TMEM161B: variants seen among roughly 807,000 people sequenced by gnomAD.
The protein encoded by TMEM161B is transmembrane protein 161B.
Under a neutral mutation model 61.8 loss-of-function variants are expected in TMEM161B, and 34 were observed. The observed-to-expected ratio is 0.55, with a 90% CI of 0.42 to 0.73. TMEM161B has a LOEUF of 0.73. Ranked by LOEUF, TMEM161B falls within the 30% of genes least tolerant of loss-of-function variation. The pLI is 0.00. For synonymous variants in TMEM161B, 167 were observed against 192.8 expected (o/e 0.87, Z 1.11); for missense variants, 456 against 558.5 (o/e 0.82, Z 1.85).
chr5:88,255,008 C>G (rs1393487574), intron 1 of TMEM161B, among the ~76,000 whole-genome samples: 1 of 151,804 alleles, frequency 6.6e-6, no homozygotes, highest in Non-Finnish European at 1.5e-5. Context: ...ATAACCACAC[C>G]AAGATCAGGG....
rs371464586 is a variant in TMEM161B at position 88,197,814 on chromosome 5, A to T, written c.1090-49T>A. 375 of 1,498,482 alleles carry T rather than the reference A, an allele frequency of 2.5e-4. 3 individuals carry two copies. In the African/African-American group the frequency reaches 4.0e-3, roughly 16 times the overall value. The allele number at this position is 1,498,482 out of a possible 1,614,324, so 92.8% of individuals were successfully genotyped here. ...TGTCTAATGCAACTGACATGTTAGG[A>T]GTGAATTAAACTTTCATATAATTGC... On this transcript the variant is annotated intron_variant, in intron 10 of 11. Coordinates refer to ENST00000296595, the MANE Select transcript of TMEM161B (RefSeq NM_153354.5).
chr5:88,197,151 A>T (rs1020196645), intron 11 of TMEM161B, among the ~76,000 whole-genome samples: 1 of 152,110 alleles, frequency 6.6e-6, no homozygotes, highest in Admixed American at 6.6e-5. Context: ...AGGGGAAATG[A>T]TCAATGCAAT....
At chr5:88,264,552 AT>A (rs1318116661) in intron 1 of TMEM161B, among the ~76,000 whole-genome samples, 1 of 152,230 alleles carries the variant, frequency 6.6e-6, no homozygotes. Flanking sequence ...AGAACCAGAA[AT>A]ACCATTTGAC....
intron 2 of TMEM161B, among the ~76,000 whole-genome samples, chr5:88,232,138 T>C (rs535424769): frequency 2.0e-5 from 3 of 152,206 alleles, no homozygotes; most frequent in Admixed American, 6.5e-5. Flanking sequence ...AAAGCAAAAT[T>C]GTAAAAAAAT....
In TMEM161B at chr5:88,217,575, C is replaced by T. The variant is rs547067998; in HGVS notation, c.446+2988G>A. Among the ~76,000 whole-genome samples, 146 of 87,398 alleles carry T rather than the reference C, an allele frequency of 1.7e-3. 1 individual carries two copies. The highest frequency in any genetic ancestry group is 9.0e-3 in the South Asian group (24 of 2,660). The allele number at this position is 87,398 out of a possible 152,430, so 57.3% of individuals were successfully genotyped here. Reference sequence around the variant, plus strand: ...GTGTGGTGGTGGCGGCAGCGGTGGGCGAGGGGGTGGTGGGGGGTAATAATA... The same window carrying T: ...GTGTGGTGGTGGCGGCAGCGGTGGGTGAGGGGGTGGTGGGGGGTAATAATA... On this transcript the variant is annotated intron_variant, in intron 5 of 11. Coordinates refer to ENST00000296595, the MANE Select transcript of TMEM161B (RefSeq NM_153354.5).
chr5:88,221,995 GATC>G (rs1749084847), intron 4 of TMEM161B, among the ~76,000 whole-genome samples: 1 of 152,178 alleles, frequency 6.6e-6, no homozygotes, highest in Non-Finnish European at 1.5e-5. Flanking sequence ...TCTATAAGAT[GATC>G]ATAACATTTT....
chr5:88,206,275 CTAACTT>C, intron 7 of TMEM161B, 158 bp downstream of exon 7: 1 of 629,194 alleles, frequency 1.6e-6, no homozygotes, highest in Non-Finnish European at 2.7e-6. Flanking sequence ...ATAAAAGACA[CTAACTT>C]TATATAGTCA....
intron 1 of TMEM161B, among the ~76,000 whole-genome samples, chr5:88,266,669 C>G (rs1199452949): frequency 6.6e-6 from 1 of 152,154 alleles, no homozygotes; most frequent in African/African-American, 2.4e-5. Context: ...TCATTAGGCC[C>G]CAGCAATGCA....
chr5:88,220,838 C>T, intron 4 of TMEM161B, 119 bp from the exon 5 acceptor site: 1 of 1,273,464 alleles, frequency 7.9e-7, no homozygotes, highest in Non-Finnish European at 1.0e-6. Context: ...TTTATTTGTT[C>T]ATTTGCAATG....
chr5:88,262,359 T>C (rs1755791544), intron 1 of TMEM161B, among the ~76,000 whole-genome samples: 1 of 152,270 alleles, frequency 6.6e-6, no homozygotes, highest in Middle Eastern at 3.4e-3. Context: ...ACTTGTGGTT[T>C]CTTACAGTCT....
downstream of TMEM161B, among the ~76,000 whole-genome samples, chr5:88,188,560 T>C (rs1290389349): frequency 6.6e-6 from 1 of 152,150 alleles, no homozygotes; most frequent in East Asian, 1.9e-4. Context: ...GTCAACTTGA[T>C]TGGACTGAGG....
chr5:88,242,082 G>T (rs1226624127), intron 1 of TMEM161B, among the ~76,000 whole-genome samples: 1 of 151,612 alleles, frequency 6.6e-6, no homozygotes, highest in Non-Finnish European at 1.5e-5. Context: ...TATCAGCATT[G>T]TGTAATACCT....
intron 1 of TMEM161B, among the ~76,000 whole-genome samples, chr5:88,256,822 C>T (rs1755047073): frequency 6.6e-6 from 1 of 152,210 alleles, no homozygotes; most frequent in South Asian, 2.1e-4. Context: ...CATTCAGGTT[C>T]CTACTGTGTG....
Position 88,196,036 on chromosome 5 carries a change from A to G in TMEM161B, c.*175T>C. 2.2e-6 allele frequency: 3 copies of G among 1,390,332 alleles called. No individual in the cohort carries two copies. Among genetic ancestry groups the G allele is most frequent in the Non-Finnish European group, 2.8e-6 (3 of 1,076,926 alleles). 86.1% of individuals were successfully genotyped at this position (1,390,332 alleles called of 1,614,324 possible). On this transcript the variant is annotated 3_prime_UTR_variant, in exon 12 of 12. Coordinates refer to ENST00000296595, the MANE Select transcript of TMEM161B (RefSeq NM_153354.5). Reference sequence around the variant, plus strand: ...TTAACAATCTATTTTGTAATTTTAAATATTACTACATTAATTCACCCTGAG... The same window carrying G: ...TTAACAATCTATTTTGTAATTTTAAGTATTACTACATTAATTCACCCTGAG...
intron 10 of TMEM161B, 160 bp downstream of exon 10, chr5:88,198,816 A>G: frequency 1.5e-6 from 1 of 684,244 alleles, no homozygotes; most frequent in Non-Finnish European, 2.3e-6. Flanking sequence ...CCAAAATCAG[A>G]TCAAGGTCTC....
intron 5 of TMEM161B, among the ~76,000 whole-genome samples, chr5:88,214,622 T>G (rs1747476261): frequency 6.6e-6 from 1 of 152,174 alleles, no homozygotes; most frequent in Admixed American, 6.5e-5. Context: ...CTACAGCAAC[T>G]CTAAGACTTC....
chr5:88,244,986 T>C (rs887735128), intron 1 of TMEM161B, among the ~76,000 whole-genome samples: 18 of 151,806 alleles, frequency 1.2e-4, no homozygotes, highest in African/African-American at 4.1e-4. Flanking sequence ...ATACATTGAT[T>C]TTTTGTTCTG....
At chr5:88,191,620 G>A (rs968101976), downstream of TMEM161B, among the ~76,000 whole-genome samples, 5 of 152,054 alleles carry the variant, frequency 3.3e-5, no homozygotes, top group African/African-American at 1.2e-4. Context: ...AAACATAGCT[G>A]TATGTTTTTC....
At chr5:88,262,602 G>C (rs1755821721) in intron 1 of TMEM161B, among the ~76,000 whole-genome samples, 1 of 152,138 alleles carries the variant, frequency 6.6e-6, no homozygotes, top group African/African-American at 2.4e-5. Flanking sequence ...AAAAGACAGA[G>C]ATGAACCTTA....
Sources: gnomAD v4.1 joint callset for allele counts (sites outside exome capture counted in the v4.1 genomes callset) on GRCh38, gnomAD v4.1.1 for gene constraint, MANE v1.5 for transcripts, NCBI Gene and HGNC (gene_info 2026-07-23, HGNC 2026-07-21) for gene names.